Variants in GCAT observed in about 807,000 individuals in gnomAD.
GCAT encodes 2-amino-3-ketobutyrate coenzyme A ligase, mitochondrial.
A neutral mutation model predicts 39.7 loss-of-function variants in GCAT; 26 were observed. The ratio of observed to expected loss-of-function variants is 0.65; its 90% confidence interval spans 0.48 to 0.91. The LOEUF (loss-of-function observed/expected upper bound fraction) is 0.91. Ranked by LOEUF, GCAT falls within the 40% of genes least tolerant of loss-of-function variation. The pLI, the probability that GCAT is intolerant of heterozygous loss-of-function variation, is 0.00. For synonymous variants in GCAT, 218 were observed against 237.2 expected (o/e 0.92, Z 0.74); for missense variants, 550 against 576.2 (o/e 0.95, Z 0.47).
chr22:37,812,165 T>TAAA (rs397804303), intron 2 of GCAT, among the ~76,000 whole-genome samples: 2 of 146,854 alleles, frequency 1.4e-5, no homozygotes, highest in Admixed American at 1.4e-4. Flanking sequence ...ACCCTCTCTC[T>TAAA]AAAAAAAAAA....
chr22:37,814,867 G>C (rs1384370354), intron 4 of GCAT, among the ~76,000 whole-genome samples: 2 of 152,220 alleles, frequency 1.3e-5, no homozygotes, highest in African/African-American at 4.8e-5. Flanking sequence ...TCCCAGCCTA[G>C]CCTGCCCTCT....
Position 37,813,626 on chromosome 22 carries a change from G to T in GCAT, c.576+17G>T. ...GAGGCCCAGGTGGGGCGACGCCTGG[G>T]TCCACCCTCAGCCTCCGCCTGGGGA... On this transcript the variant is annotated intron_variant, in intron 4 of 8. Transcript: ENST00000248924. 1 of 1,589,034 alleles carries T rather than the reference G, an allele frequency of 6.3e-7. No individual in the cohort carries two copies. The highest frequency in any genetic ancestry group is 8.6e-7 in the Non-Finnish European group (1 of 1,169,388).
rs759362661 is a variant in GCAT, at chr22:37,816,678, C to G, written c.1220C>G (p.Ala407Gly). 3 of 1,613,982 alleles carry G rather than the reference C, an allele frequency of 1.9e-6. No individual in the cohort carries two copies. The highest frequency in any genetic ancestry group is 1.7e-5 in the Admixed American group (1 of 60,004). ...SEEDIDRCVE[A>G]FVEVGRLHGA... Reference sequence around the variant, plus strand: ...GAAGACATTGACCGCTGCGTGGAGGCCTTCGTGGAAGTGGGGCGACTGCAC... The same window carrying G: ...GAAGACATTGACCGCTGCGTGGAGGGCTTCGTGGAAGTGGGGCGACTGCAC... The change falls in exon 9 of 9, where the codon GCC (alanine) becomes GGC (glycine). Residue 407 changes from alanine to glycine, a missense_variant. Around this residue, in one of 3 missense-constraint regions of GCAT, gnomAD observed 378 missense variants for 390.4 expected, o/e 0.97. Transcript: ENST00000248924.
rs1321108975 is a variant in GCAT, at chr22:37,810,011, C to T, written c.197-16C>T. 1 of 1,613,656 alleles carries T rather than the reference C, an allele frequency of 6.2e-7. No homozygotes were observed. The highest frequency in any genetic ancestry group is 1.7e-5 in the Admixed American group (1 of 59,968). ...CCACCTGAGCTGCTGTATCCATCTC[C>T]TCTCCTTCACCTCAGGAATCCTTAA... On this transcript the variant is annotated splice_polypyrimidine_tract_variant and intron_variant, in intron 1 of 8. Transcript: ENST00000248924.
At chr22:37,809,725 T>A (rs1467329713) in intron 1 of GCAT, among the ~76,000 whole-genome samples, 2 of 151,590 alleles carry the variant, frequency 1.3e-5, no homozygotes, top group Non-Finnish European at 2.9e-5. Context: ...GGAGGTTAAG[T>A]GGGAGGATTG....
At chr22:37,815,360 A>G (rs1295894445) in intron 5 of GCAT, 58 bp from the exon 6 acceptor site, 2 of 1,596,758 alleles carry the variant, frequency 1.3e-6, no homozygotes, top group Admixed American at 3.4e-5. Context: ...CCCCAGCATG[A>G]TCCATAATCC....
intron 7 of GCAT, 142 bp downstream of exon 7, chr22:37,815,976 C>G: frequency 3.9e-6 from 4 of 1,020,808 alleles, no homozygotes; most frequent in Non-Finnish European, 5.8e-6. Flanking sequence ...GTCCCTGCCT[C>G]TCCCCTCTAG....
chr22:37,814,718 G>A (rs922378635), intron 4 of GCAT, among the ~76,000 whole-genome samples: 4 of 152,084 alleles, frequency 2.6e-5, no homozygotes, highest in Non-Finnish European at 2.9e-5. Flanking sequence ...GGTGGGTCTC[G>A]AACCCGTAAG....
intron 2 of GCAT, among the ~76,000 whole-genome samples, chr22:37,811,079 G>T (rs570116845): frequency 1.3e-5 from 2 of 152,308 alleles, no homozygotes; most frequent in East Asian, 3.9e-4. Flanking sequence ...TAGTGTCCCT[G>T]TTCCTGTGGG....
chr22:37,816,573 T>C lies in GCAT; in HGVS notation c.1115T>C (p.Phe372Ser). 6.2e-7 allele frequency: 1 copy of C among 1,614,160 alleles called. No individual in the cohort carries two copies. Among genetic ancestry groups the C allele is most frequent in the Non-Finnish European group, 8.5e-7 (1 of 1,180,002 alleles). The part of the protein sequence containing the change: ...MADDMLKRGI[F>S]VIGFSYPVVP... ...TTGCTTTCTACCCTCCCAGGCATCT[T>C]TGTCATCGGGTTCAGCTACCCCGTG... Residue 372 changes from phenylalanine (F) to serine (S), a missense_variant, in exon 9 of 9, where the codon TTT (phenylalanine) becomes TCT (serine). Around this residue, in one of 3 missense-constraint regions of GCAT, gnomAD observed 378 missense variants for 390.4 expected, o/e 0.97. Transcript: ENST00000248924.
Position 37,808,119 on chromosome 22 carries a change from C to A in GCAT, c.152C>A (p.Thr51Lys), listed in dbSNP as rs1341657785. 2.6e-6 allele frequency: 4 copies of A among 1,555,476 alleles called. No individual in the cohort carries two copies. The highest frequency in any genetic ancestry group is 3.5e-6 in the Non-Finnish European group (4 of 1,153,876). ...AGTWKSERVITSRQGPHIRVD... is the reference protein window; with the variant it reads ...AGTWKSERVIKSRQGPHIRVD... ...ACTTGGAAGAGTGAGCGGGTCATCA[C>A]GTCCCGTCAGGGGCCGCACATCCGC... is the stretch of plus-strand genomic sequence containing the variant. The change falls in exon 1 of 9, where the codon ACG (threonine) becomes AAG (lysine). Residue 51 changes from threonine (T) to lysine (K), a missense_variant. Transcript: ENST00000248924.
chr22:37,813,223 G>T, intron 3 of GCAT: 1 of 659,254 alleles, frequency 1.5e-6, no homozygotes, highest in South Asian at 1.8e-5. Flanking sequence ...CTGGAAGGCT[G>T]GGGGAGGCGG....
chr22:37,816,208 G>A lies in GCAT; in HGVS notation c.995G>A (p.Ser332Asn). 1 of 1,613,386 alleles carries A rather than the reference G, an allele frequency of 6.2e-7. No homozygotes were observed. Among genetic ancestry groups the A allele is most frequent in the South Asian group, 1.1e-5 (1 of 91,060 alleles). ...ACACCTTGTGCCCACAGGTTCCGTA[G>A]TAAGATGGAAGCTGCTGGCTTCACT... ...SMAAKTQRFR[S>N]KMEAAGFTIS... The change falls in exon 8 of 9, where the codon AGT (serine) becomes AAT (asparagine). Residue 332 changes from serine (S) to asparagine (N), a missense_variant. Ser to Asn is a conservative substitution (Grantham distance 46, BLOSUM62 1). Around this residue, in one of 3 missense-constraint regions of GCAT, gnomAD observed 378 missense variants for 390.4 expected, o/e 0.97. Transcript: ENST00000248924.
Position 37,812,992 on chromosome 22 carries a change from T to G in GCAT, c.429+4T>G. ...CGCCAACGCCGGCCTCTTTGAGGTG[T>G]GTGGAAGCTGTCCTGCGGGTGAGGG... On this transcript the variant is annotated splice_donor_region_variant and intron_variant, in intron 3 of 8. Transcript: ENST00000248924. 6.2e-7 allele frequency: 1 copy of G among 1,600,792 alleles called. No individual in the cohort carries two copies. The highest frequency in any genetic ancestry group is 8.6e-7 in the Non-Finnish European group (1 of 1,168,004).
chr22:37,812,968 G>A lies in GCAT; in HGVS notation c.409G>A (p.Ala137Thr), dbSNP rs371002709. The A allele has an allele frequency of 3.7e-5, 60 of 1,612,460 alleles. No individual in the cohort carries two copies. Among genetic ancestry groups the A allele is most frequent in the African/African-American group, 3.6e-4 (27 of 75,010 alleles). ...DAILYPSCYD[A>T]NAGLFEALLT... ...CATCCTCTATCCCAGCTGTTATGACGCCAACGCCGGCCTCTTTGAGGTGTG... is the reference window on the plus strand; with the variant it reads ...CATCCTCTATCCCAGCTGTTATGACACCAACGCCGGCCTCTTTGAGGTGTG... The change falls in exon 3 of 9, where the codon GCC (alanine) becomes ACC (threonine). Residue 137 changes from alanine to threonine, a missense_variant. Physicochemically the swap from Ala to Thr is moderately conservative, Grantham distance 58 (BLOSUM62 0). This residue lies in a region of GCAT where 18 missense variants were observed against 43.8 expected (regional missense o/e 0.41). Coordinates refer to ENST00000248924, the MANE Select transcript of GCAT (RefSeq NM_014291.4).
chr22:37,808,114 C>T lies in GCAT; in HGVS notation c.147C>T (p.Val49=), dbSNP rs1302032140. 11 of 1,558,884 alleles carry T rather than the reference C, an allele frequency of 7.1e-6. No individual in the cohort carries two copies. Among genetic ancestry groups the T allele is most frequent in the Non-Finnish European group, 8.7e-6 (10 of 1,155,566 alleles). Residue 49 remains valine (V), a synonymous_variant, in exon 1 of 9, where the codon GTC becomes GTT. Transcript: ENST00000248924. ...CTGGCACTTGGAAGAGTGAGCGGGT[C>T]ATCACGTCCCGTCAGGGGCCGCACA... ...RGAGTWKSER[V]ITSRQGPHIR... is the part of the protein sequence containing the mutation.
At chr22:37,815,578 C>A in intron 6 of GCAT, 78 bp downstream of exon 6, 2 of 1,482,492 alleles carry the variant, frequency 1.3e-6, no homozygotes, top group Non-Finnish European at 1.9e-6. Flanking sequence ...GTGGGGAGGG[C>A]AGCATGGACT....
In GCAT at chr22:37,816,792, G is replaced by C; in HGVS notation, c.*74G>C. 1.3e-6 allele frequency: 2 copies of C among 1,501,824 alleles called. No homozygotes were observed. The highest frequency in any genetic ancestry group is 1.8e-6 in the Non-Finnish European group (2 of 1,088,168). 93.0% of individuals were successfully genotyped at this position (1,501,824 alleles called of 1,614,324 possible). On this transcript the variant is annotated 3_prime_UTR_variant, in exon 9 of 9. Coordinates refer to ENST00000248924, the MANE Select transcript of GCAT (RefSeq NM_014291.4). ...TCAAAGGAGGTTTTCGATCAGCCCA[G>C]ACCAGAGGCTCTGAGCCCTGAACCA...
intron 1 of GCAT, among the ~76,000 whole-genome samples, chr22:37,809,504 C>T (rs1341466847): frequency 6.6e-6 from 1 of 152,078 alleles, no homozygotes; most frequent in Non-Finnish European, 1.5e-5. Context: ...CTGAGTTCCT[C>T]CTTGGGTAGA....
Sources: allele counts gnomAD v4.1 joint callset (sites outside exome capture counted in the v4.1 genomes callset), GRCh38; gene constraint gnomAD v4.1.1; regional missense constraint gnomAD v4.1.1; transcripts MANE v1.5; gene names NCBI Gene and HGNC (gene_info 2026-07-23, HGNC 2026-07-21).